Variants in TRAK2 observed in about 807,000 individuals in gnomAD.
TRAK2 encodes trafficking kinesin protein 2, also known as trafficking kinesin-binding protein 2.
TRAK2 carries 81 observed loss-of-function variants against 104.6 expected under a neutral mutation model. The observed-to-expected ratio is 0.77, with a 90% CI of 0.65 to 0.93. The LOEUF (loss-of-function observed/expected upper bound fraction) is 0.93, where lower values mean the gene tolerates loss of function less well. Ranked by LOEUF, TRAK2 falls within the 40% of genes least tolerant of loss-of-function variation. TRAK2 has a pLI of 0.00. For synonymous variants in TRAK2, 406 were observed against 394.4 expected, an observed-to-expected ratio of 1.03 and a Z score of -0.35; for missense variants, 1,002 against 1,089.0, an observed-to-expected ratio of 0.92 and a Z score of 1.12.
Position 201,407,495 on chromosome 2 carries a change from T to C in TRAK2, c.194A>G (p.Glu65Gly), listed in dbSNP as rs1204010091. Reference protein sequence around the residue: ...RLKVDTLFLYENQDWTQSPHQ... With the variant: ...RLKVDTLFLYGNQDWTQSPHQ... ...TGGAGACTGAGTCCAGTCTTGATTT[T>C]CATATAGAAAGAGAGTGTCTACTTT... The change falls in exon 3 of 16, where the codon GAA becomes GGA. Residue 65 changes from glutamate to glycine, a missense_variant. By Grantham distance (98) the Glu-to-Gly change is moderately conservative. Coordinates refer to ENST00000332624, the MANE Select transcript of TRAK2 (RefSeq NM_015049.3). 1.2e-6 allele frequency: 2 copies of C among 1,614,060 alleles called. No individual in the cohort carries two copies. Among genetic ancestry groups the C allele is most frequent in the Non-Finnish European group, 1.7e-6 (2 of 1,180,024 alleles).
At chr2:201,415,926 A>T (rs1951688245) in intron 2 of TRAK2, among the ~76,000 whole-genome samples, 2 of 152,168 alleles carry the variant, frequency 1.3e-5, no homozygotes, top group Admixed American at 1.3e-4. Flanking sequence ...CCAGTGATAA[A>T]GAAGAAAATC....
Position 201,393,000 on chromosome 2 carries a change from T to A in TRAK2, c.1022A>T (p.His341Leu), listed in dbSNP as rs780185223. 9.9e-6 allele frequency: 16 copies of A among 1,613,852 alleles called. No homozygotes were observed. The highest frequency in any genetic ancestry group is 1.7e-5 in the Admixed American group (1 of 60,024). Residue 341 changes from histidine to leucine, a missense_variant, in exon 10 of 16, where the codon CAT becomes CTT. By Grantham distance (99) the His-to-Leu change is moderately conservative. Transcript: ENST00000332624. ...DRNMECLGML[H>L]ESQEEIKELR... Reference sequence around the variant, plus strand: ...TTCCTTTATTTCTTCTTGGGATTCATGTAACATTCCTAGACACTCCATATT... The same window carrying A: ...TTCCTTTATTTCTTCTTGGGATTCAAGTAACATTCCTAGACACTCCATATT...
At position 201,384,843 on chromosome 2, in the gene TRAK2, CTG is replaced by C. The variant is rs1951374092; in HGVS notation, c.1964-629_1964-628del. 2.0e-5 allele frequency among the ~76,000 whole-genome samples: 3 copies of C among 152,148 alleles called. No homozygotes were observed. In the South Asian group the frequency reaches 6.2e-4, roughly 32 times the overall value. On this transcript the variant is annotated intron_variant, in intron 14 of 15. Coordinates refer to ENST00000332624, the MANE Select transcript of TRAK2 (RefSeq NM_015049.3). ...TTGGCCGTTGAGTCTTTTTCCTGTTCTGTGTGATGAAAAATGGGAAGGATGTA... is the reference window on the plus strand; with the variant it reads ...TTGGCCGTTGAGTCTTTTTCCTGTTCTGTGATGAAAAATGGGAAGGATGTA...
intron 3 of TRAK2, among the ~76,000 whole-genome samples, chr2:201,406,843 A>C (rs1350977116): frequency 6.6e-6 from 1 of 152,212 alleles, no homozygotes; most frequent in Non-Finnish European, 1.5e-5. Context: ...CTTGGTGTAA[A>C]ACAGACCTAT....
intron 15 of TRAK2, 82 bp from the exon 16 acceptor site, chr2:201,381,300 T>A (rs747524499): frequency 5.6e-6 from 7 of 1,253,272 alleles, no homozygotes; most frequent in African/African-American, 3.0e-5. Flanking sequence ...GAAATTATAG[T>A]AGTTATCCTT....
At chr2:201,408,016 C>G (rs916891376) in intron 2 of TRAK2, among the ~76,000 whole-genome samples, 22 of 152,152 alleles carry the variant, frequency 1.4e-4, no homozygotes, top group African/African-American at 3.9e-4. Flanking sequence ...TACCTTTTAT[C>G]TATTTGAAAA....
At chr2:201,383,318 C>A (rs1951359662) in intron 15 of TRAK2, among the ~76,000 whole-genome samples, 1 of 152,160 alleles carries the variant, frequency 6.6e-6, no homozygotes, top group Non-Finnish European at 1.5e-5. Context: ...TGAGCCAGGC[C>A]ACACCCAGTA....
At chr2:201,428,260 T>C (rs964253193) in intron 1 of TRAK2, among the ~76,000 whole-genome samples, 3 of 152,224 alleles carry the variant, frequency 2.0e-5, no homozygotes, top group African/African-American at 4.8e-5. Flanking sequence ...ATGTCCTGAA[T>C]GGAATTACCT....
At chr2:201,401,819 A>G (rs1395467999) in intron 3 of TRAK2, among the ~76,000 whole-genome samples, 1 of 152,118 alleles carries the variant, frequency 6.6e-6, no homozygotes. Context: ...TATGACTCCA[A>G]TGATTCCAGT....
In TRAK2 at chr2:201,397,700, C is replaced by T. The variant is rs184270786; in HGVS notation, c.691-120G>A. The T allele has an allele frequency of 8.4e-6, 6 of 716,836 alleles. No homozygotes were observed. In the South Asian group the frequency reaches 9.3e-5, roughly 11 times the overall value. 44.4% of individuals were successfully genotyped at this position (716,836 alleles called of 1,614,324 possible). A position where few individuals can be genotyped will look rare whatever the true frequency, so the allele number is the denominator to read the frequency against. ...ATCACTTACAAAGGAAAAAACCCAA[C>T]AACCTGTTCATACATCTCTACCTGG... On this transcript the variant is annotated intron_variant, in intron 6 of 15. Transcript: ENST00000332624.
chr2:201,420,341 C>T, intron 2 of TRAK2, 76 bp downstream of exon 2: 1 of 1,222,882 alleles, frequency 8.2e-7, no homozygotes, highest in Non-Finnish European at 1.2e-6. Context: ...CATGATAGGT[C>T]ATATATGCTG....
Position 201,387,716 on chromosome 2 carries a change from G to T in TRAK2, c.1683C>A (p.Val561=). 1.9e-6 allele frequency: 3 copies of T among 1,605,038 alleles called. No individual in the cohort carries two copies. Among genetic ancestry groups the T allele is most frequent in the Non-Finnish European group, 2.6e-6 (3 of 1,174,568 alleles). ...CTGATTTATTACCTTCAAGGGGCTT[G>T]ACAATTTGTAATTTTTCTGGCATAA... The part of the protein sequence containing the change: ...RGFMPEKLQI[V]KPLEGSQTLY... The change falls in exon 13 of 16, where the codon GTC becomes GTA. Residue 561 remains valine, a synonymous_variant. Coordinates refer to ENST00000332624, the MANE Select transcript of TRAK2 (RefSeq NM_015049.3).
chr2:201,406,505 C>T (rs1335379574), intron 3 of TRAK2, among the ~76,000 whole-genome samples: 1 of 152,092 alleles, frequency 6.6e-6, no homozygotes, highest in Non-Finnish European at 1.5e-5. Context: ...GTGCTGAAAA[C>T]AAGTTAGTGA....
At chr2:201,385,658 G>A (rs1951382050) in intron 14 of TRAK2, among the ~76,000 whole-genome samples, 1 of 152,138 alleles carries the variant, frequency 6.6e-6, no homozygotes, top group Non-Finnish European at 1.5e-5. Flanking sequence ...TTTGTGCCTG[G>A]CTGCATTTCC....
intron 1 of TRAK2, among the ~76,000 whole-genome samples, chr2:201,428,136 G>C (rs566624020): frequency 3.3e-4 from 50 of 152,126 alleles, no homozygotes; most frequent in African/African-American, 1.2e-3. Flanking sequence ...CACTCTGATG[G>C]TAGGTTCTTT....
At chr2:201,384,058 G>T in intron 15 of TRAK2, 53 bp downstream of exon 15, 3 of 1,153,946 alleles carry the variant, frequency 2.6e-6, no homozygotes, top group South Asian at 1.4e-5. Context: ...AGAAATTCAT[G>T]AAAATATAGC....
intron 15 of TRAK2, 30 bp downstream of exon 15, chr2:201,384,081 T>A: frequency 7.1e-7 from 1 of 1,405,052 alleles, no homozygotes; most frequent in Non-Finnish European, 9.9e-7. Flanking sequence ...AGGAAAGAAG[T>A]GAGGCCCCAG....
chr2:201,411,261 T>G (rs1428341845), intron 2 of TRAK2: 2 of 738,632 alleles, frequency 2.7e-6, no homozygotes, highest in Non-Finnish European at 5.0e-6. Flanking sequence ...CTATGCCTGC[T>G]CTTGTTCTCT....
intron 2 of TRAK2, among the ~76,000 whole-genome samples, chr2:201,408,633 G>T (rs1214579744): frequency 6.6e-6 from 1 of 152,136 alleles, no homozygotes; most frequent in Non-Finnish European, 1.5e-5. Flanking sequence ...GCAGCCTGCT[G>T]AATTTTTAAA....
Sources: gnomAD v4.1 joint callset for allele counts (sites outside exome capture counted in the v4.1 genomes callset) on GRCh38, gnomAD v4.1.1 for gene constraint, MANE v1.5 for transcripts, NCBI Gene and HGNC (gene_info 2026-07-23, HGNC 2026-07-21) for gene names.